LOC400499: variants seen among roughly 807,000 people sequenced by gnomAD.
the LOC400499 span, among the ~76,000 whole-genome samples, chr16:11,375,138 GCACC>G: frequency 4.8e-5 from 7 of 145,434 alleles, no homozygotes; most frequent in South Asian, 2.1e-4. Context: ...GTGAGCCACT[GCACC>G]TGACCTATTA....
chr16:11,415,945 T>G, the LOC400499 span, among the ~76,000 whole-genome samples: 1 of 136,372 alleles, frequency 7.3e-6, no homozygotes, highest in Non-Finnish European at 1.5e-5. Context: ...GTGTTTTTTT[T>G]GCTGTTGTTG....
At chr16:11,515,867 CCCAGCCCAGCCCAGCCCAGCCCAGCCTAG>C in the LOC400499 span, 38 of 32,906 alleles carry the variant, frequency 1.2e-3, no homozygotes, top group Non-Finnish European at 2.4e-3. Flanking sequence ...CCCAGCCCAG[CCCAGCCCAGCCCAGCCCAGCCCAGCCTAG>C]CCCAGCCCAG....
At chr16:11,401,808 A>T in the LOC400499 span, among the ~76,000 whole-genome samples, 1 of 152,206 alleles carries the variant, frequency 6.6e-6, no homozygotes, top group Non-Finnish European at 1.5e-5. Context: ...CGGGGTAAGC[A>T]TTCAGGGCCT....
the LOC400499 span, chr16:11,471,754 T>G: frequency 1.5e-5 from 6 of 399,224 alleles, no homozygotes; most frequent in African/African-American, 1.2e-4. Flanking sequence ...TGAGAGCAGG[T>G]AGGGCTGGCC....
the LOC400499 span, chr16:11,411,343 GAGA>G: frequency 1.3e-5 from 5 of 399,298 alleles, no homozygotes; most frequent in Non-Finnish European, 2.2e-5. Context: ...AGGAAGGAAA[GAGA>G]AGGCCTGAAG....
At chr16:11,460,819 A>G in the LOC400499 span, 1 of 1,218,434 alleles carries the variant, frequency 8.2e-7, no homozygotes, top group Non-Finnish European at 1.1e-6. Context: ...ATGGGCAGGT[A>G]TTCAGTCCTA....
At chr16:11,437,290 T>C in the LOC400499 span, among the ~76,000 whole-genome samples, 1 of 152,224 alleles carries the variant, frequency 6.6e-6, no homozygotes, top group Admixed American at 6.5e-5. Flanking sequence ...CAGGGCACGA[T>C]GACTCACACC....
At chr16:11,485,969 G>A in the LOC400499 span, among the ~76,000 whole-genome samples, 1 of 152,194 alleles carries the variant, frequency 6.6e-6, no homozygotes, top group African/African-American at 2.4e-5. Flanking sequence ...GTATGTCCAT[G>A]TATGGGTAGG....
At chr16:11,522,449 T>G in the LOC400499 span, among the ~76,000 whole-genome samples, 1 of 152,144 alleles carries the variant, frequency 6.6e-6, no homozygotes, top group Non-Finnish European at 1.5e-5. Context: ...TCAGGAAATT[T>G]ACCAGCATCC....
the LOC400499 span, among the ~76,000 whole-genome samples, chr16:11,506,499 A>G: frequency 6.6e-6 from 1 of 152,172 alleles, no homozygotes; most frequent in Non-Finnish European, 1.5e-5. Flanking sequence ...CCTTGTTCTC[A>G]GAACACCCAA....
chr16:11,514,155 C>G, the LOC400499 span, among the ~76,000 whole-genome samples: 1 of 152,204 alleles, frequency 6.6e-6, no homozygotes, highest in South Asian at 2.1e-4. Flanking sequence ...TCAACCAAGC[C>G]AGGGCCATTT....
chr16:11,427,852 T>C, the LOC400499 span, among the ~76,000 whole-genome samples: 1 of 152,226 alleles, frequency 6.6e-6, no homozygotes, highest in Non-Finnish European at 1.5e-5. Flanking sequence ...CTTTAGTCCA[T>C]GATGTGTATT....
chr16:11,506,522 G>A, the LOC400499 span, among the ~76,000 whole-genome samples: 2 of 152,242 alleles, frequency 1.3e-5, no homozygotes, highest in Admixed American at 1.3e-4. Flanking sequence ...TTGGTGATAA[G>A]CCATGCCCTC....
the LOC400499 span, among the ~76,000 whole-genome samples, chr16:11,427,606 A>G: frequency 1.3e-5 from 2 of 151,904 alleles, no homozygotes; most frequent in East Asian, 1.9e-4. Flanking sequence ...ACCATGCCCA[A>G]CTAATTTTTT....
the LOC400499 span, among the ~76,000 whole-genome samples, chr16:11,402,918 C>T: frequency 2.0e-5 from 3 of 152,132 alleles, no homozygotes; most frequent in African/African-American, 7.2e-5. Flanking sequence ...TGTGCCCCCT[C>T]GGAAGCCCCA....
the LOC400499 span, among the ~76,000 whole-genome samples, chr16:11,479,440 C>A: frequency 4.7e-5 from 7 of 147,492 alleles, no homozygotes; most frequent in Non-Finnish European, 1.0e-4. Flanking sequence ...TATCGAGACC[C>A]TATCTCTACA....
chr16:11,476,209 G>A, the LOC400499 span, among the ~76,000 whole-genome samples: 1 of 152,004 alleles, frequency 6.6e-6, no homozygotes, highest in Non-Finnish European at 1.5e-5. Context: ...GGAGGGAGGA[G>A]GGAGATGGGC....
the LOC400499 span, among the ~76,000 whole-genome samples, chr16:11,503,916 C>G: frequency 1.1e-4 from 16 of 152,228 alleles, no homozygotes; most frequent in Non-Finnish European, 1.8e-4. Flanking sequence ...AATGTCAGTT[C>G]CAGGCCTGCT....
the LOC400499 span, chr16:11,484,763 C>G: frequency 7.5e-6 from 3 of 397,698 alleles, no homozygotes; most frequent in Non-Finnish European, 1.3e-5. Flanking sequence ...CTTAATTCTG[C>G]AAGGAGGAGG....
Sources: allele counts gnomAD v4.1 joint callset (sites outside exome capture counted in the v4.1 genomes callset), GRCh38; gene constraint gnomAD v4.1.1; transcripts MANE v1.5.